Variants in CDYL2 observed in about 807,000 individuals in gnomAD.
The protein encoded by CDYL2 is chromodomain Y like 2.
A neutral mutation model predicts 49.4 loss-of-function variants in CDYL2; 23 were observed. That is an observed-to-expected ratio of 0.47 (90% CI 0.34 to 0.66). The LOEUF (loss-of-function observed/expected upper bound fraction) is 0.66, where lower values mean the gene tolerates loss of function less well. Among genes scored for constraint, CDYL2 ranks in the 30% least tolerant of loss-of-function variants. CDYL2 has a pLI of 0.01. For synonymous variants in CDYL2, 360 were observed against 268.8 expected, an observed-to-expected ratio of 1.34 and a Z score of -3.32; for missense variants, 678 against 656.4, an observed-to-expected ratio of 1.03 and a Z score of -0.36.
At chr16:80,611,098 T>G (rs753376080) in intron 5 of CDYL2, among the ~76,000 whole-genome samples, 1 of 152,172 alleles carries the variant, frequency 6.6e-6, no homozygotes, top group Non-Finnish European at 1.5e-5. Context: ...ATCCTCTGCC[T>G]GGAATTCTTG....
At chr16:80,638,533 G>A (rs951364925) in intron 2 of CDYL2, among the ~76,000 whole-genome samples, 6 of 152,132 alleles carry the variant, frequency 3.9e-5, no homozygotes, top group Non-Finnish European at 8.8e-5. Context: ...TGATGAGTAA[G>A]AATCCACCTG....
At position 80,694,090 on chromosome 16, in the gene CDYL2, C is replaced by T. The variant is rs573741095; in HGVS notation, c.25-8961G>A. Among the ~76,000 whole-genome samples the T allele has an allele frequency of 1.2e-4, 18 of 151,898 alleles. No homozygotes were observed. In the South Asian group the frequency reaches 2.1e-3, roughly 17 times the overall value. ...CTCATGGAAGACAATTTTTCCACGA[C>T]GGGCGGAATGGTTTTAGGATGAAAC... On this transcript the variant is annotated intron_variant, in intron 1 of 6. Transcript: ENST00000570137.
At position 80,633,203 on chromosome 16, in the gene CDYL2, T is replaced by C. The variant is rs1907653657; in HGVS notation, c.650A>G (p.His217Arg). 2 of 1,614,202 alleles carry C rather than the reference T, an allele frequency of 1.2e-6. No homozygotes were observed. Among genetic ancestry groups the C allele is most frequent in the Non-Finnish European group, 1.7e-6 (2 of 1,180,028 alleles). The part of the protein sequence containing the change: ...SALTNGGLNL[H>R]SPVKRKLEAE... Reference sequence around the variant, plus strand: ...TTCCAGCTTCCTCTTCACTGGACTGTGCAGGTTCAATCCCCCGTTGGTCAG... The same window carrying C: ...TTCCAGCTTCCTCTTCACTGGACTGCGCAGGTTCAATCCCCCGTTGGTCAG... Residue 217 changes from histidine (H) to arginine (R), a missense_variant, in exon 3 of 7, where the codon CAC becomes CGC. His to Arg is a conservative substitution (Grantham distance 29, BLOSUM62 0). This residue lies in a region of CDYL2 where 478 missense variants were observed against 427.0 expected (regional missense o/e 1.12). Transcript: ENST00000570137.
chr16:80,630,549 G>C (rs889869563), intron 3 of CDYL2, among the ~76,000 whole-genome samples: 1 of 152,152 alleles, frequency 6.6e-6, no homozygotes, highest in Non-Finnish European at 1.5e-5. Flanking sequence ...AACATATGAA[G>C]AGCTGCTTTC....
intron 1 of CDYL2, among the ~76,000 whole-genome samples, chr16:80,796,846 A>C (rs568518536): frequency 3.9e-5 from 6 of 152,182 alleles, no homozygotes; most frequent in Non-Finnish European, 7.4e-5. Context: ...ATCACACTGC[A>C]ATCAAGCCAT....
intron 2 of CDYL2, chr16:80,670,807 C>G (rs898344366): frequency 2.4e-6 from 1 of 418,760 alleles, no homozygotes; most frequent in Non-Finnish European, 4.9e-6. Flanking sequence ...GCTGGCGCTC[C>G]CAGGAACACC....
intron 2 of CDYL2, among the ~76,000 whole-genome samples, chr16:80,671,520 A>G (rs1477426431): frequency 6.6e-6 from 1 of 152,162 alleles, no homozygotes; most frequent in Non-Finnish European, 1.5e-5. Flanking sequence ...TCTTCTCACC[A>G]ACCAGCAAAC....
intron 2 of CDYL2, among the ~76,000 whole-genome samples, chr16:80,660,057 G>A (rs375711495): frequency 6.6e-6 from 1 of 151,838 alleles, no homozygotes; most frequent in Non-Finnish European, 1.5e-5. Context: ...AAAATGCTGA[G>A]ACAAAATAAC....
At chr16:80,799,110 T>G (rs1907851324) in intron 1 of CDYL2, among the ~76,000 whole-genome samples, 1 of 152,220 alleles carries the variant, frequency 6.6e-6, no homozygotes, top group South Asian at 2.1e-4. Context: ...TTTTTTAAAT[T>G]ACATAAACAT....
intron 2 of CDYL2, among the ~76,000 whole-genome samples, chr16:80,652,566 C>G (rs1045508307): frequency 3.9e-5 from 6 of 152,210 alleles, no homozygotes; most frequent in Non-Finnish European, 8.8e-5. Flanking sequence ...TGAGTGAGCA[C>G]CACGCACAGT....
intron 1 of CDYL2, among the ~76,000 whole-genome samples, chr16:80,767,359 G>C (rs1252493354): frequency 6.6e-6 from 1 of 152,118 alleles, no homozygotes; most frequent in African/African-American, 2.4e-5. Context: ...AATATACTAA[G>C]CTGAATTTCT....
intron 2 of CDYL2, among the ~76,000 whole-genome samples, chr16:80,681,684 A>G (rs1909972737): frequency 6.6e-6 from 1 of 152,192 alleles, no homozygotes; most frequent in African/African-American, 2.4e-5. Context: ...ACGAGTGACC[A>G]CAGAAGACGT....
intron 2 of CDYL2, among the ~76,000 whole-genome samples, chr16:80,637,299 G>A (rs1037191245): frequency 9.9e-5 from 15 of 152,096 alleles, no homozygotes; most frequent in African/African-American, 3.4e-4. Context: ...TACAGATAAT[G>A]TCTTACTTAG....
chr16:80,799,624 T>C (rs1368246935), intron 1 of CDYL2, among the ~76,000 whole-genome samples: 1 of 152,100 alleles, frequency 6.6e-6, no homozygotes, highest in Non-Finnish European at 1.5e-5. Flanking sequence ...AACCACTTCT[T>C]AGCAATTGGC....
At chr16:80,773,193 CTA>C (rs1308770790) in intron 1 of CDYL2, among the ~76,000 whole-genome samples, 3 of 151,954 alleles carry the variant, frequency 2.0e-5, no homozygotes, top group African/African-American at 4.8e-5. Flanking sequence ...AAAAGTTTAA[CTA>C]GAGTTAGAAA....
chr16:80,738,180 T>C (rs1905604742), intron 1 of CDYL2, among the ~76,000 whole-genome samples: 1 of 152,202 alleles, frequency 6.6e-6, no homozygotes, highest in South Asian at 2.1e-4. Context: ...TCCATGTCCC[T>C]GCAAAGGACA....
At chr16:80,670,970 G>A in intron 2 of CDYL2, 1 of 456,020 alleles carries the variant, frequency 2.2e-6, no homozygotes, top group Non-Finnish European at 4.4e-6. Context: ...AATATCTAAA[G>A]AAGGCTGCCT....
chr16:80,750,892 G>C (rs13339506), intron 1 of CDYL2, among the ~76,000 whole-genome samples: 35,293 of 151,738 alleles, frequency 0.23, 5,011 homozygotes, highest in African/African-American at 0.4. Context: ...TGGTGGCGGG[G>C]GCCTGCACTC....
chr16:80,733,305 G>T (rs191597545), intron 1 of CDYL2, among the ~76,000 whole-genome samples: 1 of 152,330 alleles, frequency 6.6e-6, no homozygotes, highest in East Asian at 1.9e-4. Flanking sequence ...AGTTGCAGCA[G>T]GCTGGGGAGC....
Sources: allele counts gnomAD v4.1 joint callset (sites outside exome capture counted in the v4.1 genomes callset), GRCh38; gene constraint gnomAD v4.1.1; regional missense constraint gnomAD v4.1.1; transcripts MANE v1.5; gene names NCBI Gene and HGNC (gene_info 2026-07-23, HGNC 2026-07-21).